DHRSX: variants seen among roughly 807,000 people sequenced by gnomAD.
DHRSX encodes the protein polyprenol dehydrogenase.
Under a neutral mutation model 34.0 loss-of-function variants are expected in DHRSX, and 31 were observed. The ratio of observed to expected loss-of-function variants is 0.91; its 90% CI spans 0.69 to 1.23. DHRSX has a LOEUF of 1.23. DHRSX is among the 50% of genes most tolerant of loss of function. The probability of loss-of-function intolerance (pLI) is 0.00; values close to 1 mark genes in which losing one functional copy is unlikely to be tolerated. For missense variants in DHRSX, 414 were observed against 428.1 expected, an observed-to-expected ratio of 0.97 and a Z score of 0.29; for synonymous variants, 201 against 183.8, an observed-to-expected ratio of 1.09 and a Z score of -0.76.
chrX:2,270,186 C>A (rs2041531129), intron 4 of DHRSX, among the ~76,000 whole-genome samples: 1 of 152,098 alleles, frequency 6.6e-6, no homozygotes, highest in African/African-American at 2.4e-5. Flanking sequence ...GATGCGTGTG[C>A]ATTTGTGTAC....
intron 3 of DHRSX, among the ~76,000 whole-genome samples, chrX:2,373,844 G>C (rs1249724960): frequency 1.3e-5 from 2 of 152,196 alleles, no homozygotes; most frequent in Non-Finnish European, 2.9e-5. Flanking sequence ...GACAGCAGGA[G>C]ATGGTGAGAA....
intron 3 of DHRSX, among the ~76,000 whole-genome samples, chrX:2,303,900 A>AATGGATGG (rs1244047425): frequency 3.3e-5 from 2 of 60,844 alleles, no homozygotes; most frequent in Admixed American, 1.7e-4. Flanking sequence ...TGGATGGATA[A>AATGGATGG]ATGGATGGAT....
At chrX:2,309,679 G>A (rs1411717700) in intron 3 of DHRSX, among the ~76,000 whole-genome samples, 2 of 152,242 alleles carry the variant, frequency 1.3e-5, no homozygotes, top group African/African-American at 2.4e-5. Context: ...GAGAGGCCGA[G>A]GTGGGAGGAT....
chrX:2,344,244 T>C (rs1004811625), intron 3 of DHRSX, among the ~76,000 whole-genome samples: 1 of 152,160 alleles, frequency 6.6e-6, no homozygotes, highest in African/African-American at 2.4e-5. Flanking sequence ...CTCTGAATTT[T>C]TAGCCCATCA....
chrX:2,427,819 C>A (rs2043868349), intron 1 of DHRSX, among the ~76,000 whole-genome samples: 1 of 152,134 alleles, frequency 6.6e-6, no homozygotes, highest in South Asian at 2.1e-4. Flanking sequence ...TTTTGTTCAA[C>A]ATATTTGGAA....
chrX:2,233,930 A>G (rs1336442346), intron 6 of DHRSX, among the ~76,000 whole-genome samples: 1 of 152,212 alleles, frequency 6.6e-6, no homozygotes, highest in African/African-American at 2.4e-5. Flanking sequence ...TTCTGTCGGC[A>G]ATGTTCACAA....
In DHRSX at chrX:2,437,018, G is replaced by A. The variant is rs950460384; in HGVS notation, c.110-11714C>T. ...CCTTGAATCCTTTCTCTTTTTTTGA[G>A]ACCGAGTCTCGCTCTGTTGCCCAGG... is the stretch of plus-strand genomic sequence containing the variant. On this transcript the variant is annotated intron_variant, in intron 1 of 6. Transcript: ENST00000334651. 3.4e-4 allele frequency among the ~76,000 whole-genome samples: 52 copies of A among 151,962 alleles called. 1 individual carries two copies. The highest frequency in any genetic ancestry group is 6.8e-3 in the Middle Eastern group (2 of 294).
intron 3 of DHRSX, among the ~76,000 whole-genome samples, chrX:2,399,444 C>T (rs1438108112): frequency 2.0e-5 from 3 of 150,686 alleles, no homozygotes; most frequent in Non-Finnish European, 3.0e-5. Context: ...TGATAGCTCA[C>T]GCCTGTAATC....
chrX:2,450,283 GA>G (rs1170123918), intron 1 of DHRSX, among the ~76,000 whole-genome samples: 1 of 152,048 alleles, frequency 6.6e-6, no homozygotes, highest in Non-Finnish European at 1.5e-5. Context: ...AATGCTTAGG[GA>G]AAAAAAGTCA....
At chrX:2,386,882 G>GTTTTTTTTT (rs57827913) in intron 3 of DHRSX, among the ~76,000 whole-genome samples, 3 of 124,096 alleles carry the variant, frequency 2.4e-5, no homozygotes, top group African/African-American at 5.6e-5. Context: ...TGATGGTTTT[G>GTTTTTTTTT]TTTTTTTTTT....
At position 2,418,603 on chromosome X, in the gene DHRSX, A is replaced by T. The variant is rs181732109; in HGVS notation, c.217+6594T>A. Among the ~76,000 whole-genome samples, 16 of 152,356 alleles carry T rather than the reference A, an allele frequency of 1.1e-4. No individual in the cohort carries two copies. The East Asian group carries it at 3.1e-3, about 29-fold the overall frequency. ...TTGCACTGGAGGAGACAAAAGATCA[A>T]ATATAACCAGTAATGGATGTGAGCC... On this transcript the variant is annotated intron_variant, in intron 2 of 6. Coordinates refer to ENST00000334651, the MANE Select transcript of DHRSX (RefSeq NM_145177.3).
At chrX:2,348,847 C>T (rs1355002961) in intron 3 of DHRSX, among the ~76,000 whole-genome samples, 2 of 151,992 alleles carry the variant, frequency 1.3e-5, no homozygotes, top group Non-Finnish European at 2.9e-5. Context: ...GCACCCACGA[C>T]CACACTCAGC....
At chrX:2,313,387 G>A (rs2042187512) in intron 3 of DHRSX, among the ~76,000 whole-genome samples, 1 of 149,452 alleles carries the variant, frequency 6.7e-6, no homozygotes, top group East Asian at 2.0e-4. Flanking sequence ...TATTATTTTT[G>A]AGATGTAGTC....
At chrX:2,431,059 C>T (rs1482667740) in intron 1 of DHRSX, among the ~76,000 whole-genome samples, 1 of 151,230 alleles carries the variant, frequency 6.6e-6, no homozygotes, top group Non-Finnish European at 1.5e-5. Flanking sequence ...GGCACGGTGG[C>T]TCATGCCTGT....
intron 4 of DHRSX, among the ~76,000 whole-genome samples, chrX:2,284,353 C>A (rs1261458202): frequency 1.1e-5 from 1 of 94,794 alleles, no homozygotes; most frequent in Non-Finnish European, 3.0e-5. Flanking sequence ...CATTTGAATT[C>A]TTTCATTCAT....
intron 5 of DHRSX, among the ~76,000 whole-genome samples, chrX:2,243,785 CCTGTTTTTTTTTTTTTTTTTTT>C (rs2016201928): frequency 1.4e-5 from 1 of 71,512 alleles, no homozygotes; most frequent in Non-Finnish European, 2.9e-5. Context: ...CACTATGCTC[CCTGTTTTTTTTTTTTTTTTTTT>C]TTTTTTTTTT....
intron 1 of DHRSX, chrX:2,500,396 G>A (rs1257724786): frequency 5.9e-6 from 1 of 169,790 alleles, no homozygotes; most frequent in Admixed American, 6.1e-5. Flanking sequence ...CTGGCCGACC[G>A]CAGGCGGCAG....
chrX:2,275,076 C>T (rs763517848), intron 4 of DHRSX, among the ~76,000 whole-genome samples: 1 of 152,200 alleles, frequency 6.6e-6, no homozygotes, highest in East Asian at 1.9e-4. Flanking sequence ...ACGGCAAATT[C>T]AAATGCCTGT....
chrX:2,414,161 G>C (rs1753301998), intron 2 of DHRSX, among the ~76,000 whole-genome samples: 1 of 151,262 alleles, frequency 6.6e-6, no homozygotes, highest in South Asian at 2.1e-4. Context: ...ACTATGACTA[G>C]ATTTCATCAT....
Sources: allele counts gnomAD v4.1 joint callset (sites outside exome capture counted in the v4.1 genomes callset), GRCh38; gene constraint gnomAD v4.1.1; transcripts MANE v1.5; gene names NCBI Gene and HGNC (gene_info 2026-07-23, HGNC 2026-07-21).